SFI1: variants seen among roughly 807,000 people sequenced by gnomAD.
SFI1 encodes the protein SFI1 centrin binding protein, also known as protein SFI1 homolog.
SFI1 carries 195 observed loss-of-function variants against 207.5 expected under a neutral mutation model. The observed-to-expected ratio is 0.94, with a 90% CI of 0.84 to 1.06. The LOEUF is 1.06. SFI1 is among the 50% of genes least tolerant of loss of function. The pLI is 0.00. For missense variants in SFI1, 1,634 were observed against 1,588.0 expected, an observed-to-expected ratio of 1.03 and a Z score of -0.49; for synonymous variants, 630 against 598.9, an observed-to-expected ratio of 1.05 and a Z score of -0.76.
intron 4 of SFI1, among the ~76,000 whole-genome samples, chr22:31,541,354 C>T (rs2059469589): frequency 6.6e-6 from 1 of 152,122 alleles, no homozygotes; most frequent in South Asian, 2.1e-4. Flanking sequence ...TTTAGGCTTA[C>T]ACCTTTTTGA....
At chr22:31,551,163 C>T (rs569280627) in intron 6 of SFI1, among the ~76,000 whole-genome samples, 30 of 152,178 alleles carry the variant, frequency 2.0e-4, no homozygotes, top group African/African-American at 5.8e-4. Context: ...TTTATTTTTT[C>T]GTGCTTCTCA....
At chr22:31,572,150 G>T (rs976008101) in intron 8 of SFI1, among the ~76,000 whole-genome samples, 10 of 152,278 alleles carry the variant, frequency 6.6e-5, no homozygotes, top group Middle Eastern at 3.4e-3. Context: ...AAACATGGTG[G>T]ACCTTAAGGA....
chr22:31,536,219 G>T (rs2058982494), intron 4 of SFI1, among the ~76,000 whole-genome samples: 1 of 152,042 alleles, frequency 6.6e-6, no homozygotes, highest in African/African-American at 2.4e-5. Flanking sequence ...GTTCTTATGT[G>T]AGCCCTCGTG....
intron 8 of SFI1, among the ~76,000 whole-genome samples, chr22:31,565,801 G>A (rs1406398892): frequency 1.3e-5 from 2 of 152,082 alleles, no homozygotes; most frequent in Admixed American, 6.6e-5. Flanking sequence ...TTAGTGCAAC[G>A]GTATATTTTT....
In SFI1 at chr22:31,546,838, A is replaced by G. The variant is rs1356729826; in HGVS notation, c.339-23A>G. The G allele has an allele frequency of 4.2e-6, 6 of 1,441,882 alleles. No homozygotes were observed. In the South Asian group the frequency reaches 4.8e-5, roughly 12 times the overall value. 89.3% of individuals were successfully genotyped at this position (1,441,882 alleles called of 1,614,324 possible). On this transcript the variant is annotated intron_variant, in intron 4 of 32. Coordinates refer to ENST00000400288, the MANE Select transcript of SFI1 (RefSeq NM_001007467.3). ...TTAGCTCCAACATCATCATATATAT[A>G]TATGATTTTTTTTTTGCCGTAGATT...
intron 8 of SFI1, among the ~76,000 whole-genome samples, chr22:31,564,412 CA>C (rs34004221): frequency 0.22 from 31,573 of 140,464 alleles, 3,542 homozygotes; most frequent in East Asian, 0.42. Flanking sequence ...TCTATACTTG[CA>C]AAAAAAAAAA....
intron 18 of SFI1, 29 bp downstream of exon 18, chr22:31,603,848 T>C: frequency 1.3e-6 from 2 of 1,572,010 alleles, no homozygotes; most frequent in Non-Finnish European, 1.7e-6. Flanking sequence ...GTGCCACCCG[T>C]GTATGACTTT....
At chr22:31,571,739 T>C (rs2062976549) in intron 8 of SFI1, among the ~76,000 whole-genome samples, 1 of 152,156 alleles carries the variant, frequency 6.6e-6, no homozygotes, top group Admixed American at 6.6e-5. Context: ...CTAAAAAGGA[T>C]GGTCTCCCAC....
intron 15 of SFI1, among the ~76,000 whole-genome samples, chr22:31,591,887 G>C (rs1340541033): frequency 5.1e-5 from 3 of 58,354 alleles, no homozygotes; most frequent in Non-Finnish European, 9.5e-5. Context: ...AGACGGGGTG[G>C]CTGGCCGGGC....
Position 31,613,787 on chromosome 22 carries a change from G to A in SFI1, c.2928G>A (p.Arg976=), listed in dbSNP as rs1182672796. Residue 976 remains arginine, a synonymous_variant, in exon 27 of 33, where the codon AGG becomes AGA. Transcript: ENST00000400288. ...GAGDGTLETK[R]PQASRPLGAL... ...GGGATGGCACCCTTGAGACCAAGAG[G>A]CCACAGGCTTCTCGGCCTCTGGGAG... The A allele has an allele frequency of 1.2e-6, 2 of 1,612,286 alleles. No individual in the cohort carries two copies. Among genetic ancestry groups the A allele is most frequent in the East Asian group, 2.2e-5 (1 of 44,868 alleles).
intron 21 of SFI1, 62 bp downstream of exon 21, chr22:31,606,492 G>C: frequency 7.2e-7 from 1 of 1,380,964 alleles, no homozygotes; most frequent in Non-Finnish European, 1.0e-6. Context: ...TGGTGAGGGC[G>C]TGGGATGTAG....
chr22:31,537,036 G>A (rs2059062890), intron 4 of SFI1, among the ~76,000 whole-genome samples: 1 of 150,154 alleles, frequency 6.7e-6, no homozygotes, highest in South Asian at 2.2e-4. Flanking sequence ...AGGCATGAGG[G>A]GATTTACTTC....
At chr22:31,594,346 A>T (rs1255698123) in intron 15 of SFI1, among the ~76,000 whole-genome samples, 1 of 151,802 alleles carries the variant, frequency 6.6e-6, no homozygotes, top group Non-Finnish European at 1.5e-5. Flanking sequence ...TCAAGAGTTC[A>T]AGACCAGCCT....
intron 15 of SFI1, among the ~76,000 whole-genome samples, chr22:31,599,823 A>T (rs909768581): frequency 5.3e-5 from 8 of 152,144 alleles, no homozygotes; most frequent in Non-Finnish European, 1.2e-4. Context: ...GTGCAAGAAC[A>T]TGAAAACAAT....
intron 13 of SFI1, 78 bp downstream of exon 13, chr22:31,584,050 C>A: frequency 3.4e-6 from 4 of 1,188,630 alleles, no homozygotes; most frequent in Non-Finnish European, 3.7e-6. Flanking sequence ...TAATTGCTTG[C>A]CCTTCTATGC....
rs1359748818 is a variant in SFI1, at chr22:31,556,509, A to C, written c.545-433A>C. Among the ~76,000 whole-genome samples, 3 of 152,170 alleles carry C rather than the reference A, an allele frequency of 2.0e-5. No homozygotes were observed. In the East Asian group the frequency reaches 5.8e-4, roughly 29 times the overall value. On this transcript the variant is annotated intron_variant, in intron 6 of 32. Coordinates refer to ENST00000400288, the MANE Select transcript of SFI1 (RefSeq NM_001007467.3). ...AGTGCTGGGATTACAGGCGTGAGCC[A>C]CTGTGCCCAGACTGAAAGATATTTA... is the stretch of plus-strand genomic sequence containing the variant.
At chr22:31,571,546 G>C (rs5753697) in intron 8 of SFI1, among the ~76,000 whole-genome samples, 150,184 of 151,880 alleles carry the variant, frequency 0.99, 74,276 homozygotes, top group Middle Eastern at 1. Flanking sequence ...AACTCCTGAG[G>C]TCAAGCAATC....
chr22:31,500,948 C>A (rs2053659590), intron 1 of SFI1, among the ~76,000 whole-genome samples: 1 of 151,096 alleles, frequency 6.6e-6, no homozygotes, highest in Non-Finnish European at 1.5e-5. Flanking sequence ...TACAGGTGCC[C>A]ACCACCACCA....
chr22:31,618,206 G>A lies in SFI1; in HGVS notation c.3604G>A (p.Val1202Met), dbSNP rs1053749477. Residue 1202 changes from valine to methionine, a missense_variant, in exon 32 of 33, where the codon GTG becomes ATG. Coordinates refer to ENST00000400288, the MANE Select transcript of SFI1 (RefSeq NM_001007467.3). The stretch of plus-strand genomic sequence containing the variant: ...TGAGGACCAGGAAGTAGAGCAGCAG[G>A]TGCAGAAAGAGCTGGAACAGGTGAG... ...GPEDQEVEQQ[V>M]QKELEQVEMQ... 10 of 1,596,876 alleles carry A rather than the reference G, an allele frequency of 6.3e-6. No homozygotes were observed. The highest frequency in any genetic ancestry group is 8.5e-6 in the Non-Finnish European group (10 of 1,173,550).
Sources: allele counts gnomAD v4.1 joint callset (sites outside exome capture counted in the v4.1 genomes callset), GRCh38; gene constraint gnomAD v4.1.1; transcripts MANE v1.5; gene names NCBI Gene and HGNC (gene_info 2026-07-23, HGNC 2026-07-21).